YWHAH: variants seen among roughly 807,000 people sequenced by gnomAD.
YWHAH encodes 14-3-3 protein eta.
Under a neutral mutation model 22.9 loss-of-function variants are expected in YWHAH, and 6 were observed. The ratio of observed to expected loss-of-function variants is 0.26; its 90% CI spans 0.14 to 0.52. The LOEUF (loss-of-function observed/expected upper bound fraction) is 0.52, where lower values mean the gene tolerates loss of function less well. YWHAH is among the 20% of genes least tolerant of loss of function. The pLI, the probability that YWHAH is intolerant of heterozygous loss-of-function variation, is 0.97. For synonymous variants in YWHAH, 135 were observed against 124.5 expected, an observed-to-expected ratio of 1.08 and a Z score of -0.56; for missense variants, 173 against 308.6, an observed-to-expected ratio of 0.56 and a Z score of 3.29.
Position 31,956,774 on chromosome 22 carries a change from A to G in YWHAH, c.723A>G (p.Glu241=), listed in dbSNP as rs139643031. 117 of 1,601,968 alleles carry G rather than the reference A, an allele frequency of 7.3e-5. No individual in the cohort carries two copies. Among genetic ancestry groups the G allele is most frequent in the Non-Finnish European group, 9.7e-5 (114 of 1,173,696 alleles). ...TLWTSDQQDE[E]AGEGN ...GGACGAGCGACCAGCAGGATGAAGA[A>G]GCAGGAGAAGGCAACTGAAGATCCT... Residue 241 remains glutamate (E), a synonymous_variant, in exon 2 of 2, where the codon GAA becomes GAG. Transcript: ENST00000248975. This position sits in a 1 kb window ranked among gnomAD's most constrained non-coding sequence, Gnocchi z 5.1.
chr22:31,949,436 G>T (rs1398500324), intron 1 of YWHAH, among the ~76,000 whole-genome samples: 1 of 151,912 alleles, frequency 6.6e-6, no homozygotes, highest in Admixed American at 6.6e-5. Flanking sequence ...GAGCCACTGC[G>T]CTTGGTTAGA....
chr22:31,946,642 C>A (rs965592983), intron 1 of YWHAH, among the ~76,000 whole-genome samples: 1 of 152,120 alleles, frequency 6.6e-6, no homozygotes, highest in Non-Finnish European at 1.5e-5. Context: ...AAGGTGTGTT[C>A]TGGAACAATC....
Position 31,956,240 on chromosome 22 carries a change from T to G in YWHAH, c.189T>G (p.Ile63Met). 1 of 1,614,106 alleles carries G rather than the reference T, an allele frequency of 6.2e-7. No homozygotes were observed. Among genetic ancestry groups the G allele is most frequent in the Non-Finnish European group, 8.5e-7 (1 of 1,180,014 alleles). The part of the protein sequence containing the change: ...VGARRSSWRV[I>M]SSIEQKTMAD... ...CCAGGCGATCTTCCTGGAGGGTCAT[T>G]AGCAGCATTGAGCAGAAAACCATGG... Residue 63 changes from isoleucine (I) to methionine (M), a missense_variant, in exon 2 of 2, where the codon ATT (isoleucine) becomes ATG (methionine). Physicochemically the swap from Ile to Met is conservative, Grantham distance 10. Transcript: ENST00000248975. This position sits in a 1 kb window ranked among gnomAD's most constrained non-coding sequence, Gnocchi z 5.1.
At chr22:31,954,664 G>C (rs546784979) in intron 1 of YWHAH, among the ~76,000 whole-genome samples, 1 of 152,276 alleles carries the variant, frequency 6.6e-6, no homozygotes, top group South Asian at 2.1e-4. Context: ...CCCAGCTTCT[G>C]GTGGCTTCTG....
Position 31,944,598 on chromosome 22 carries a change from G to C in YWHAH, c.-136G>C, listed in dbSNP as rs868733429. 3.5e-5 allele frequency: 16 copies of C among 451,224 alleles called. No individual in the cohort carries two copies. The highest frequency in any genetic ancestry group is 1.2e-4 in the Admixed American group (2 of 16,842). The allele number at this position is 451,224 out of a possible 1,614,324, so 28.0% of individuals were successfully genotyped here. A position where few individuals can be genotyped will look rare whatever the true frequency, so the allele number is the denominator to read the frequency against. ...CGGCGCTGCCTGCAGCCTGCAGCCT[G>C]CAGCCTCCGGCCGGCCGGCGAGCCA... On this transcript the variant is annotated 5_prime_UTR_variant, in exon 1 of 2. Transcript: ENST00000248975.
intron 1 of YWHAH, 31 bp downstream of exon 1, chr22:31,944,851 C>CG (rs71845980): frequency 2.3e-4 from 308 of 1,315,674 alleles, no homozygotes; most frequent in South Asian, 7.0e-4. Flanking sequence ...GGCGGCTGGC[C>CG]GGGGGGGGCC....
chr22:31,956,321 G>A lies in YWHAH; in HGVS notation c.270G>A (p.Glu90=). 6.2e-7 allele frequency: 1 copy of A among 1,614,206 alleles called. No individual in the cohort carries two copies. The highest frequency in any genetic ancestry group is 8.5e-7 in the Non-Finnish European group (1 of 1,180,046). Residue 90 remains glutamate, a synonymous_variant, in exon 2 of 2, where the codon GAG becomes GAA. Transcript: ENST00000248975. This position sits in a 1 kb window ranked among gnomAD's most constrained non-coding sequence, Gnocchi z 5.1. Reference sequence around the variant, plus strand: ...TTAAAGCTTACCGGGAGAAGATTGAGAAGGAGCTGGAGACAGTTTGCAATG... The same window carrying A: ...TTAAAGCTTACCGGGAGAAGATTGAAAAGGAGCTGGAGACAGTTTGCAATG... ...EKVKAYREKI[E]KELETVCNDV...
At chr22:31,955,329 T>C (rs2093848195) in intron 1 of YWHAH, among the ~76,000 whole-genome samples, 1 of 151,912 alleles carries the variant, frequency 6.6e-6, no homozygotes, top group South Asian at 2.1e-4. Flanking sequence ...ATTTGAGGAG[T>C]GGTTGGTTCT....
At chr22:31,950,235 T>A (rs1227853364) in intron 1 of YWHAH, 2 of 720,770 alleles carry the variant, frequency 2.8e-6, no homozygotes, top group African/African-American at 3.5e-5. Context: ...TTTCTCCATA[T>A]TGCCTTTAAT....
At position 31,944,633 on chromosome 22, in the gene YWHAH, C is replaced by T. The variant is rs1162449577; in HGVS notation, c.-101C>T. On this transcript the variant is annotated 5_prime_UTR_variant, in exon 1 of 2. Transcript: ENST00000248975. Reference sequence around the variant, plus strand: ...GCCGGCCGGCGAGCCAGTGCGCGTGCGCGGCGGCGGCCTCCGCAGCGACCG... The same window carrying T: ...GCCGGCCGGCGAGCCAGTGCGCGTGTGCGGCGGCGGCCTCCGCAGCGACCG... 2 of 930,050 alleles carry T rather than the reference C, an allele frequency of 2.2e-6. No homozygotes were observed. The highest frequency in any genetic ancestry group is 8.9e-5 in the East Asian group (2 of 22,456). 57.6% of individuals were successfully genotyped at this position (930,050 alleles called of 1,614,324 possible). A position where few individuals can be genotyped will look rare whatever the true frequency, so the allele number is the denominator to read the frequency against.
At chr22:31,953,070 G>A (rs913469029) in intron 1 of YWHAH, among the ~76,000 whole-genome samples, 2 of 152,170 alleles carry the variant, frequency 1.3e-5, no homozygotes, top group Non-Finnish European at 2.9e-5. Context: ...ATGTATTTCA[G>A]ATTTGTACTC....
Position 31,956,939 on chromosome 22 carries a change from G to A in YWHAH, c.*147G>A. The A allele has an allele frequency of 9.4e-7, 1 of 1,066,838 alleles. No homozygotes were observed. The highest frequency in any genetic ancestry group is 2.9e-5 in the Admixed American group (1 of 34,000). 66.1% of individuals were successfully genotyped at this position (1,066,838 alleles called of 1,614,324 possible). A position where few individuals can be genotyped will look rare whatever the true frequency, so the allele number is the denominator to read the frequency against. On this transcript the variant is annotated 3_prime_UTR_variant, in exon 2 of 2. Transcript: ENST00000248975. This position sits in a 1 kb window ranked among gnomAD's most constrained non-coding sequence, Gnocchi z 5.1. ...GATCTGCACTCCTGTCTCTTGGGAA[G>A]CAGTTTCAGATAAATCATGGGCATT...
Position 31,956,162 on chromosome 22 carries a change from C to T in YWHAH, c.111C>T (p.Leu37=). ...MKAVTELNEP[L]SNEDRNLLSV... ...AGGTGACAGAGCTGAATGAACCTCT[C>T]TCCAATGAAGATCGAAATCTCCTCT... The change falls in exon 2 of 2, where the codon CTC becomes CTT. Residue 37 remains leucine, a synonymous_variant. Coordinates refer to ENST00000248975, the MANE Select transcript of YWHAH (RefSeq NM_003405.4). The surrounding 1 kb of genome is among the most constrained non-coding windows in gnomAD (Gnocchi z 5.1). The T allele has an allele frequency of 1.2e-6, 2 of 1,612,934 alleles. No individual in the cohort carries two copies. The highest frequency in any genetic ancestry group is 2.2e-5 in the South Asian group (2 of 90,892).
At chr22:31,950,132 A>G (rs1257276623) in intron 1 of YWHAH, among the ~76,000 whole-genome samples, 8 of 93,542 alleles carry the variant, frequency 8.6e-5, no homozygotes, top group Non-Finnish European at 2.0e-5. Flanking sequence ...AAAGTATTGA[A>G]TTTGAGTTTC....
chr22:31,945,067 G>A, intron 1 of YWHAH: 6 of 1,105,552 alleles, frequency 5.4e-6, no homozygotes, highest in Non-Finnish European at 6.6e-6. Context: ...GCCCCGGAAG[G>A]GGGGCGGGCC....
intron 1 of YWHAH, among the ~76,000 whole-genome samples, chr22:31,946,039 A>T (rs917801809): frequency 1.3e-5 from 2 of 152,218 alleles, no homozygotes; most frequent in African/African-American, 4.8e-5. Flanking sequence ...TATCAGATGA[A>T]ATATGTAGTT....
chr22:31,954,820 C>T (rs80213963), intron 1 of YWHAH, among the ~76,000 whole-genome samples: 20,055 of 152,164 alleles, frequency 0.13, 3,399 homozygotes, highest in African/African-American at 0.4. Context: ...CCCTAATGTC[C>T]AGTATGACTT....
intron 1 of YWHAH, among the ~76,000 whole-genome samples, chr22:31,947,899 C>G (rs1360070607): frequency 6.6e-6 from 1 of 152,098 alleles, no homozygotes; most frequent in Non-Finnish European, 1.5e-5. Context: ...TATTATGGCC[C>G]TAAGTCATCT....
At chr22:31,950,359 T>C (rs2093841573) in intron 1 of YWHAH, 1 of 779,396 alleles carries the variant, frequency 1.3e-6, no homozygotes, top group African/African-American at 1.7e-5. Flanking sequence ...TTGTCTTCTG[T>C]CCCAGCATTT....
Sources: gnomAD v4.1 joint callset for allele counts (sites outside exome capture counted in the v4.1 genomes callset) on GRCh38, gnomAD v4.1.1 for gene constraint, Gnocchi (gnomAD v3.1) non-coding constraint, MANE v1.5 for transcripts, NCBI Gene and HGNC (gene_info 2026-07-23, HGNC 2026-07-21) for gene names.